PCDHGA1: variants seen among roughly 807,000 people sequenced by gnomAD.
PCDHGA1 encodes protocadherin gamma-A1.
PCDHGA1 carries 32 observed loss-of-function variants against 58.0 expected under a neutral mutation model. That is an observed-to-expected ratio of 0.55 (90% CI 0.42 to 0.74). PCDHGA1 has a LOEUF of 0.74. PCDHGA1 is among the 30% of genes least tolerant of loss of function. The probability of loss-of-function intolerance (pLI) is 0.00; values close to 1 mark genes in which losing one functional copy is unlikely to be tolerated. For synonymous variants in PCDHGA1, 498 were observed against 501.1 expected (o/e 0.99, Z 0.08); for missense variants, 1,205 against 1,182.3 (o/e 1.02, Z -0.28).
Position 141,422,132 on chromosome 5 carries a change from T to C in PCDHGA1, c.2422-72675T>C, listed in dbSNP as rs768931697. ...CAATTGGATTCACAAACTGGAGAAG[T>C]TCAAGTACGGGGGTCTCTGGATTTT... On this transcript the variant is annotated intron_variant, in intron 1 of 3. Coordinates refer to ENST00000517417, the MANE Select transcript of PCDHGA1 (RefSeq NM_018912.3). The C allele has an allele frequency of 1.2e-5, 19 of 1,598,396 alleles. No individual in the cohort carries two copies. In the South Asian group the frequency reaches 2.0e-4, roughly 17 times the overall value.
At chr5:141,409,069 A>G (rs886525915) in intron 1 of PCDHGA1, 5 of 1,614,008 alleles carry the variant, frequency 3.1e-6, no homozygotes, top group Non-Finnish European at 4.2e-6. Context: ...AGAGCACAAA[A>G]CATATGTTCT....
intron 1 of PCDHGA1, among the ~76,000 whole-genome samples, chr5:141,402,419 A>T: frequency 6.6e-6 from 1 of 152,100 alleles, no homozygotes; most frequent in Middle Eastern, 3.2e-3. Flanking sequence ...ACACAGAAAA[A>T]ATTGAAGCAT....
chr5:141,446,482 CTT>C (rs112180482), intron 1 of PCDHGA1, among the ~76,000 whole-genome samples: 6 of 147,048 alleles, frequency 4.1e-5, no homozygotes, highest in East Asian at 4.0e-4. Context: ...GGTCATCATT[CTT>C]TTTTTTTTTT....
intron 2 of PCDHGA1, among the ~76,000 whole-genome samples, chr5:141,504,059 T>C (rs1179226175): frequency 6.6e-6 from 1 of 152,184 alleles, no homozygotes; most frequent in Admixed American, 6.6e-5. Flanking sequence ...ATTGAAAAAC[T>C]TCTCTGAGCC....
intron 1 of PCDHGA1, among the ~76,000 whole-genome samples, chr5:141,454,607 T>C (rs1207742002): frequency 6.6e-6 from 1 of 151,574 alleles, no homozygotes; most frequent in Non-Finnish European, 1.5e-5. Flanking sequence ...GGTTTCTCCA[T>C]GTTGGTCAGG....
At chr5:141,389,061 T>C in intron 1 of PCDHGA1, 1 of 1,614,022 alleles carries the variant, frequency 6.2e-7, no homozygotes, top group Non-Finnish European at 8.5e-7. Context: ...ATTTAAAATA[T>C]TAACTTCTTC....
chr5:141,390,513 A>G lies in PCDHGA1; in HGVS notation c.2421+57408A>G. ...TTTTTAGCCAAGCTTAGATTTATAA[A>G]GCAATGAGGGTGTGGTTTTAACCAC... is the stretch of plus-strand genomic sequence containing the variant. On this transcript the variant is annotated intron_variant, in intron 1 of 3. Coordinates refer to ENST00000517417, the MANE Select transcript of PCDHGA1 (RefSeq NM_018912.3). The G allele has an allele frequency of 1.0e-5, 6 of 581,214 alleles. No homozygotes were observed. The South Asian group carries it at 1.1e-4, about 10-fold the overall frequency. The allele number at this position is 581,214 out of a possible 1,614,324, so 36.0% of individuals were successfully genotyped here.
intron 1 of PCDHGA1, chr5:141,356,229 C>A (rs371768602): frequency 1.3e-6 from 2 of 1,593,426 alleles, no homozygotes; most frequent in Admixed American, 1.8e-5. Flanking sequence ...AAAATGACAA[C>A]GCACCAGAAG....
At chr5:141,366,133 C>A (rs777240886) in intron 1 of PCDHGA1, 1 of 1,614,216 alleles carries the variant, frequency 6.2e-7, no homozygotes, top group East Asian at 2.2e-5. Flanking sequence ...CAGGCCAGAA[C>A]GCCTGGCTGT....
intron 1 of PCDHGA1, chr5:141,389,528 G>A (rs200792478): frequency 1.2e-6 from 2 of 1,613,210 alleles, no homozygotes; most frequent in East Asian, 2.2e-5. Context: ...GCCTGCGCGT[G>A]TTAGTGGACG....
intron 1 of PCDHGA1, chr5:141,417,926 C>T (rs779409064): frequency 6.2e-7 from 1 of 1,610,108 alleles, no homozygotes; most frequent in East Asian, 2.2e-5. Context: ...TTTGCTGCTG[C>T]CTTTGTTCTA....
At chr5:141,456,341 C>G (rs950158154) in intron 1 of PCDHGA1, among the ~76,000 whole-genome samples, 4 of 152,034 alleles carry the variant, frequency 2.6e-5, no homozygotes, top group Admixed American at 1.3e-4. Context: ...TAAGGGTCCT[C>G]GGAAGAATGG....
rs1758338902 is a variant in PCDHGA1, at chr5:141,349,687, G to A, written c.2421+16582G>A. Among the ~76,000 whole-genome samples, 3 of 151,866 alleles carry A rather than the reference G, an allele frequency of 2.0e-5. No individual in the cohort carries two copies. The South Asian group carries it at 6.2e-4, about 32-fold the overall frequency. ...GCTTATTCCAATGAATTTACAGAAA[G>A]GTAGGTATTTTAGTCAACTAAAAAT... is the stretch of plus-strand genomic sequence containing the variant. On this transcript the variant is annotated intron_variant, in intron 1 of 3. Transcript: ENST00000517417.
At chr5:141,404,333 C>G (rs181615917) in intron 1 of PCDHGA1, 10 of 1,613,736 alleles carry the variant, frequency 6.2e-6, no homozygotes, top group Non-Finnish European at 8.5e-6. Flanking sequence ...CTCAGTCTAC[C>G]TCCCGGAAAA....
intron 1 of PCDHGA1, chr5:141,365,729 A>G: frequency 1.2e-6 from 2 of 1,613,792 alleles, no homozygotes; most frequent in South Asian, 2.2e-5. Flanking sequence ...AAACAATCCC[A>G]GAGGTGTCTC....
At chr5:141,374,520 C>G (rs1178494066) in intron 1 of PCDHGA1, 3 of 1,612,422 alleles carry the variant, frequency 1.9e-6, no homozygotes, top group Non-Finnish European at 2.5e-6. Flanking sequence ...CTCGAAAACG[C>G]AGCTCCATCC....
intron 1 of PCDHGA1, chr5:141,440,987 A>C (rs2098217413): frequency 6.6e-6 from 1 of 152,278 alleles, no homozygotes; most frequent in African/African-American, 2.4e-5. Flanking sequence ...AACCCAGAGT[A>C]CCCATATCTA....
At chr5:141,427,712 C>CCTGG (rs1319672065) in intron 1 of PCDHGA1, 7 of 1,051,350 alleles carry the variant, frequency 6.7e-6, no homozygotes, top group Non-Finnish European at 1.0e-5. Context: ...GCGCCTCTGA[C>CCTGG]CTGGACCTAG....
Position 141,485,741 on chromosome 5 carries a change from C to A in PCDHGA1, c.2422-9066C>A. 6.2e-7 allele frequency: 1 copy of A among 1,614,180 alleles called. No homozygotes were observed. Among genetic ancestry groups the A allele is most frequent in the Non-Finnish European group, 8.5e-7 (1 of 1,179,992 alleles). On this transcript the variant is annotated intron_variant, in intron 1 of 3. Coordinates refer to ENST00000517417, the MANE Select transcript of PCDHGA1 (RefSeq NM_018912.3). This position sits in a 1 kb window ranked among gnomAD's most constrained non-coding sequence, Gnocchi z 5.7. ...TGTGAAGAAGCGCAGCGACGGCAGC[C>A]TGGTCCCAGAGCTGCTCCTGGAGAA...
Sources: allele counts gnomAD v4.1 joint callset (sites outside exome capture counted in the v4.1 genomes callset), GRCh38; gene constraint gnomAD v4.1.1; non-coding constraint Gnocchi (gnomAD v3.1); transcripts MANE v1.5; gene names NCBI Gene and HGNC (gene_info 2026-07-23, HGNC 2026-07-21).